P3H3: variants seen among roughly 807,000 people sequenced by gnomAD.
P3H3 encodes the protein gene rich cluster, B.
A neutral mutation model predicts 78.1 loss-of-function variants in P3H3; 64 were observed. The ratio of observed to expected loss-of-function variants is 0.82; its 90% confidence interval spans 0.67 to 1.01. The LOEUF is 1.01. P3H3 is among the 50% of genes least tolerant of loss of function. The pLI is 0.00. For synonymous variants in P3H3, 425 were observed against 416.7 expected (o/e 1.02, Z -0.24); for missense variants, 975 against 982.2 (o/e 0.99, Z 0.10).
Position 6,831,432 on chromosome 12 carries a change from CCCCGCTGGCCTCTTA to C in P3H3, c.1122+85_1122+99del, listed in dbSNP as rs1440233091. On this transcript the variant is annotated intron_variant, in intron 5 of 14. Coordinates refer to ENST00000290510, the MANE Select transcript of P3H3 (RefSeq NM_014262.5). This position sits in a 1 kb window ranked among gnomAD's most constrained non-coding sequence, Gnocchi z 4.6. ...CTGAGAAGTAACCTGGACCCCCACCCCCCGCTGGCCTCTTACCCGAGCACTCTAGTCACCCAAAGG... is the reference window on the plus strand; with the variant it reads ...CTGAGAAGTAACCTGGACCCCCACCCCCCGAGCACTCTAGTCACCCAAAGG... 6.4e-6 allele frequency: 10 copies of C among 1,567,822 alleles called. No individual in the cohort carries two copies. Among genetic ancestry groups the C allele is most frequent in the Non-Finnish European group, 8.6e-6 (10 of 1,158,754 alleles).
chr12:6,839,248 A>G, intron 14 of P3H3, 49 bp from the exon 15 acceptor site: 1 of 1,562,234 alleles, frequency 6.4e-7, no homozygotes, highest in Non-Finnish European at 8.7e-7. Context: ...GAGCTGACCC[A>G]GGGAAGGTGG....
At position 6,828,558 on chromosome 12, in the gene P3H3, C is replaced by T; in HGVS notation, c.118C>T (p.Leu40Phe). 8.0e-7 allele frequency: 1 copy of T among 1,248,414 alleles called. No individual in the cohort carries two copies. Among genetic ancestry groups the T allele is most frequent in the Non-Finnish European group, 1.0e-6 (1 of 996,664 alleles). The allele number at this position is 1,248,414 out of a possible 1,614,324, so 77.3% of individuals were successfully genotyped here. The part of the protein sequence containing the change: ...PGAPPQAPDL[L>F]YADGLRAYAA... ...GGCGCCCCCGCAGGCCCCCGACTTG[C>T]TCTACGCTGACGGGCTGCGCGCCTA... The change falls in exon 1 of 15, where the codon CTC becomes TTC. Residue 40 changes from leucine (L) to phenylalanine (F), a missense_variant. Transcript: ENST00000290510.
At position 6,839,387 on chromosome 12, in the gene P3H3, G is replaced by C; in HGVS notation, c.2137G>C (p.Glu713Gln). ...AATGCCCAGCAAAGACCCTTCCCCA[G>C]AGCCCCCTAGCCGCAGGCACCAGAG... ...EEMPSKDPSPEPPSRRHQRVQ... is the reference protein window; with the variant it reads ...EEMPSKDPSPQPPSRRHQRVQ... Residue 713 changes from glutamate to glutamine, a missense_variant, in exon 15 of 15, where the codon GAG becomes CAG. By Grantham distance (29) the Glu-to-Gln change is conservative. Coordinates refer to ENST00000290510, the MANE Select transcript of P3H3 (RefSeq NM_014262.5). 1 of 1,552,712 alleles carries C rather than the reference G, an allele frequency of 6.4e-7. No homozygotes were observed. The highest frequency in any genetic ancestry group is 8.7e-7 in the Non-Finnish European group (1 of 1,147,568).
At chr12:6,832,004 C>T (rs1555121539) in intron 6 of P3H3, 90 bp downstream of exon 6, 2 of 753,714 alleles carry the variant, frequency 2.7e-6, no homozygotes, top group South Asian at 1.6e-5. Context: ...CATTTTTCCA[C>T]CATGAGGCTT....
At chr12:6,832,635 T>C (rs1943460353) in intron 6 of P3H3, among the ~76,000 whole-genome samples, 1 of 151,956 alleles carries the variant, frequency 6.6e-6, no homozygotes, top group African/African-American at 2.4e-5. Context: ...AGAGTCTCAC[T>C]CTGTCACCCA....
chr12:6,828,640 A>T lies in P3H3; in HGVS notation c.200A>T (p.Gln67Leu), dbSNP rs1943408763. 1 of 1,216,462 alleles carries T rather than the reference A, an allele frequency of 8.2e-7. No individual in the cohort carries two copies. Among genetic ancestry groups the T allele is most frequent in the East Asian group, 3.3e-5 (1 of 29,900 alleles). 75.4% of individuals were successfully genotyped at this position (1,216,462 alleles called of 1,614,324 possible). A position where few individuals can be genotyped will look rare whatever the true frequency, so the allele number is the denominator to read the frequency against. Residue 67 changes from glutamine to leucine, a missense_variant, in exon 1 of 15, where the codon CAG becomes CTG. Physicochemically the swap from Gln to Leu is moderately radical, Grantham distance 113. Transcript: ENST00000290510. ...VALLREALRS[Q>L]AALGRVRLDC... ...CTGCTGCGGGAGGCGCTGCGGAGCC[A>T]GGCGGCGCTGGGCCGGGTGCGGCTG...
At chr12:6,832,701 A>G (rs1943460981) in intron 6 of P3H3, among the ~76,000 whole-genome samples, 2 of 151,830 alleles carry the variant, frequency 1.3e-5, no homozygotes, top group Admixed American at 6.6e-5. Context: ...TCCCAGGTTC[A>G]AGCGATTCTT....
At chr12:6,834,152 T>C in intron 9 of P3H3, 103 bp downstream of exon 9, 1 of 1,537,118 alleles carries the variant, frequency 6.5e-7, no homozygotes, top group African/African-American at 1.4e-5. Context: ...GTCCTGATTA[T>C]CCAACCGGGA....
chr12:6,834,117 T>G, intron 9 of P3H3, 68 bp downstream of exon 9: 2 of 1,598,200 alleles, frequency 1.3e-6, no homozygotes, highest in Non-Finnish European at 8.5e-7. Flanking sequence ...TCCCTTGCTC[T>G]TGGCCTGCCC....
Position 6,833,764 on chromosome 12 carries a change from T to C in P3H3, c.1288T>C (p.Trp430Arg). The change falls in exon 8 of 15, where the codon TGG becomes CGG. Residue 430 changes from tryptophan to arginine, a missense_variant. By Grantham distance (101) the Trp-to-Arg change is moderately radical (BLOSUM62 -3). Transcript: ENST00000290510. Reference protein sequence around the residue: ...KLREDQEKRPWDHEPVKPKPL... With the variant: ...KLREDQEKRPRDHEPVKPKPL... ...GAGAGAGGATCAAGAGAAGAGGCCTTGGGACCATGAGCCCGTGAAGCCAAA... is the reference window on the plus strand; with the variant it reads ...GAGAGAGGATCAAGAGAAGAGGCCTCGGGACCATGAGCCCGTGAAGCCAAA... The C allele has an allele frequency of 6.2e-7, 1 of 1,611,456 alleles. No individual in the cohort carries two copies. Among genetic ancestry groups the C allele is most frequent in the Non-Finnish European group, 8.5e-7 (1 of 1,177,638 alleles).
rs782440531 is a variant in P3H3 at position 6,836,200 on chromosome 12, C to T, written c.1459-785C>T. Among the ~76,000 whole-genome samples the T allele has an allele frequency of 8.7e-5, 12 of 137,870 alleles. No homozygotes were observed. The South Asian group carries it at 2.4e-3, about 28-fold the overall frequency. The allele number at this position is 137,870 out of a possible 152,430, so 90.4% of individuals were successfully genotyped here. On this transcript the variant is annotated intron_variant, in intron 9 of 14. Coordinates refer to ENST00000290510, the MANE Select transcript of P3H3 (RefSeq NM_014262.5). ...TGGCGCCACTGCACTCCAGCCTGGG[C>T]GATAGAGCAAGACCCCGTCTCAAAA...
intron 14 of P3H3, 39 bp from the exon 15 acceptor site, chr12:6,839,258 G>A: frequency 1.3e-6 from 2 of 1,558,436 alleles, no homozygotes; most frequent in South Asian, 1.2e-5. Context: ...AGGGAAGGTG[G>A]GTGCAGGGAA....
rs3809250 is a variant in P3H3, at chr12:6,839,847, A to C, written c.*386A>C. On this transcript the variant is annotated 3_prime_UTR_variant, in exon 15 of 15. Transcript: ENST00000290510. ...GCAATAAAGGTCGTGAAGATCTCTC[A>C]GCCAGGGGCCAGTCAAGTGTATCAC... The C allele has an allele frequency of 0.029, 5,186 of 179,526 alleles. 271 individuals carry two copies. Among genetic ancestry groups the C allele is most frequent in the African/African-American group, 0.11 (4,689 of 42,724 alleles). The allele number at this position is 179,526 out of a possible 1,614,324, so 11.1% of individuals were successfully genotyped here.
chr12:6,828,644 G>A lies in P3H3; in HGVS notation c.204G>A (p.Ala68=). 1.6e-6 allele frequency: 2 copies of A among 1,216,432 alleles called. No homozygotes were observed. The highest frequency in any genetic ancestry group is 4.4e-5 in the Admixed American group (1 of 22,944). The allele number at this position is 1,216,432 out of a possible 1,614,324, so 75.4% of individuals were successfully genotyped here. A position where few individuals can be genotyped will look rare whatever the true frequency, so the allele number is the denominator to read the frequency against. ...ALLREALRSQ[A]ALGRVRLDCG... ...TGCGGGAGGCGCTGCGGAGCCAGGC[G>A]GCGCTGGGCCGGGTGCGGCTGGATT... Residue 68 remains alanine, a synonymous_variant, in exon 1 of 15, where the codon GCG becomes GCA. Coordinates refer to ENST00000290510, the MANE Select transcript of P3H3 (RefSeq NM_014262.5).
rs1943420013 is a variant in P3H3 at position 6,829,152 on chromosome 12, G to A, written c.498+214G>A. On this transcript the variant is annotated intron_variant, in intron 1 of 14. Transcript: ENST00000290510. This position sits in a 1 kb window ranked among gnomAD's most constrained non-coding sequence, Gnocchi z 5.1. The stretch of plus-strand genomic sequence containing the variant: ...CCGAGGGGGAGTGCGAGCAGAATGG[G>A]AATGGGGCGGGGAGGTCGTGAGGTG... The A allele has an allele frequency of 2.5e-6, 1 of 394,826 alleles. No homozygotes were observed. Among genetic ancestry groups the A allele is most frequent in the Non-Finnish European group, 4.5e-6 (1 of 224,364 alleles). The allele number at this position is 394,826 out of a possible 1,614,324, so 24.5% of individuals were successfully genotyped here. A position where few individuals can be genotyped will look rare whatever the true frequency, so the allele number is the denominator to read the frequency against.
chr12:6,830,356 G>A lies in P3H3; in HGVS notation c.655G>A (p.Ala219Thr). The change falls in exon 3 of 15, where the codon GCC (alanine) becomes ACC (threonine). Residue 219 changes from alanine (A) to threonine (T), a missense_variant. Ala to Thr is a moderately conservative substitution (Grantham distance 58). Transcript: ENST00000290510. ...RDLETPPHWA[A>T]YDTGLELLGR... ...TGACTGCTCCCTTCCCCAACAGGCA[G>A]CCTATGACACTGGCCTGGAGCTACT... 6.3e-7 allele frequency: 1 copy of A among 1,577,704 alleles called. No individual in the cohort carries two copies. The highest frequency in any genetic ancestry group is 8.6e-7 in the Non-Finnish European group (1 of 1,163,020).
At chr12:6,833,838 G>A (rs2137963098) in intron 8 of P3H3, 29 bp downstream of exon 8, 2 of 1,612,028 alleles carry the variant, frequency 1.2e-6, no homozygotes, top group Admixed American at 3.3e-5. Context: ...GAAGGCAGGA[G>A]CCTGGAGGGT....
At chr12:6,832,074 C>T (rs782752329) in intron 6 of P3H3, among the ~76,000 whole-genome samples, 160 bp downstream of exon 6, 17 of 152,302 alleles carry the variant, frequency 1.1e-4, no homozygotes, top group South Asian at 6.2e-4. Context: ...GTAGTTAGGG[C>T]GGCTTTGGGG....
At chr12:6,832,064 G>A (rs959260016) in intron 6 of P3H3, 150 bp downstream of exon 6, 1 of 611,738 alleles carries the variant, frequency 1.6e-6, no homozygotes, top group Non-Finnish European at 2.9e-6. Flanking sequence ...CAGTGTGCCT[G>A]TAGTTAGGGC....
Sources: allele counts gnomAD v4.1 joint callset (sites outside exome capture counted in the v4.1 genomes callset), GRCh38; gene constraint gnomAD v4.1.1; non-coding constraint Gnocchi (gnomAD v3.1); transcripts MANE v1.5; gene names NCBI Gene and HGNC (gene_info 2026-07-23, HGNC 2026-07-21).